Variants in CFAP298 observed in about 807,000 individuals in gnomAD.
The protein encoded by CFAP298 is cilia and flagella associated protein 298.
In CFAP298, 38 loss-of-function variants were observed where a neutral mutation model predicts 41.0. That is an observed-to-expected ratio of 0.93 (90% CI 0.72 to 1.22). CFAP298 has a LOEUF of 1.22. Among genes scored for constraint, CFAP298 ranks in the 50% most tolerant of loss-of-function variants. The probability of loss-of-function intolerance (pLI) is 0.00; values close to 1 mark genes in which losing one functional copy is unlikely to be tolerated. For synonymous variants in CFAP298, 137 were observed against 135.3 expected, an observed-to-expected ratio of 1.01 and a Z score of -0.09; for missense variants, 348 against 360.3, an observed-to-expected ratio of 0.97 and a Z score of 0.28.
At chr21:32,611,338 T>TATATATATATATATATAAAA (rs954890218) in intron 1 of CFAP298, among the ~76,000 whole-genome samples, 2 of 132,352 alleles carry the variant, frequency 1.5e-5, no homozygotes, top group South Asian at 4.9e-4. Context: ...TATATATATA[T>TATATATATATATATATAAAA]AATTTATTTA....
chr21:32,609,842 C>T lies in CFAP298; in HGVS notation c.303G>A (p.Gly101=), dbSNP rs2146569585. 7 of 1,613,124 alleles carry T rather than the reference C, an allele frequency of 4.3e-6. No individual in the cohort carries two copies. In the East Asian group the frequency reaches 6.7e-5, roughly 15 times the overall value. Residue 101 remains glycine (G), a synonymous_variant, in exon 2 of 7, where the codon GGG becomes GGA. Coordinates refer to ENST00000290155, the MANE Select transcript of CFAP298 (RefSeq NM_021254.4). The stretch of plus-strand genomic sequence containing the variant: ...AGAAGAGAAATCCTCACTTACCTTG[C>T]CCATTCCTTCGTCCAATATCATCCT... ...FKKDDIGRRN[G]QAPNEKMKQV... is the part of the protein sequence containing the mutation.
intron 3 of CFAP298, among the ~76,000 whole-genome samples, chr21:32,604,927 C>T (rs896229910): frequency 1.3e-5 from 2 of 152,182 alleles, no homozygotes; most frequent in Admixed American, 1.3e-4. Flanking sequence ...TTATGTAATC[C>T]CAGCACTTTG....
intron 3 of CFAP298, chr21:32,604,619 C>T: frequency 3.5e-6 from 1 of 282,906 alleles, no homozygotes; most frequent in Non-Finnish European, 6.8e-6. Context: ...CCTCGAAATG[C>T]AGATGGGCTG....
chr21:32,602,851 T>C (rs2038774796), intron 5 of CFAP298: 9 of 1,414,914 alleles, frequency 6.4e-6, no homozygotes, highest in Admixed American at 6.1e-5. Flanking sequence ...CTGAAATCAG[T>C]GACGGGCGAA....
chr21:32,607,282 T>A (rs993817357), intron 3 of CFAP298, among the ~76,000 whole-genome samples: 2 of 151,682 alleles, frequency 1.3e-5, no homozygotes, highest in African/African-American at 4.8e-5. Flanking sequence ...GAAGCCAGAG[T>A]TGGAGTTTTA....
Position 32,612,059 on chromosome 21 carries a change from G to A in CFAP298, c.139+46C>T, listed in dbSNP as rs751587509. 11 of 1,484,322 alleles carry A rather than the reference G, an allele frequency of 7.4e-6. No individual in the cohort carries two copies. In the South Asian group the frequency reaches 1.2e-4, roughly 16 times the overall value. The allele number at this position is 1,484,322 out of a possible 1,614,324, so 91.9% of individuals were successfully genotyped here. A position where few individuals can be genotyped will look rare whatever the true frequency, so the allele number is the denominator to read the frequency against. On this transcript the variant is annotated intron_variant, in intron 1 of 6. Coordinates refer to ENST00000290155, the MANE Select transcript of CFAP298 (RefSeq NM_021254.4). ...CCCTGCCCCTCTTTCTCCATCCCAC[G>A]CCGGTCTCTCGATCTGTCCGGGATG...
At chr21:32,605,972 G>C (rs1328343455) in intron 3 of CFAP298, among the ~76,000 whole-genome samples, 1 of 152,186 alleles carries the variant, frequency 6.6e-6, no homozygotes, top group Non-Finnish European at 1.5e-5. Flanking sequence ...GAAAGGAAGA[G>C]GTGGACTTAA....
chr21:32,603,252 C>G lies in CFAP298; in HGVS notation c.575G>C (p.Trp192Ser). The G allele has an allele frequency of 1.2e-6, 2 of 1,614,176 alleles. No homozygotes were observed. The highest frequency in any genetic ancestry group is 1.1e-5 in the South Asian group (1 of 91,086). ...TCTTCTCAGCTCCTTGGCTGCCCACCACAGCTGCGCCTCTGCCTCTTTAAT... is the reference window on the plus strand; with the variant it reads ...TCTTCTCAGCTCCTTGGCTGCCCACGACAGCTGCGCCTCTGCCTCTTTAAT... ...NVIKEAEAQL[W>S]WAAKELRRTK... is the part of the protein sequence containing the mutation. The change falls in exon 5 of 7, where the codon TGG becomes TCG. Residue 192 changes from tryptophan (W) to serine (S), a missense_variant. Coordinates refer to ENST00000290155, the MANE Select transcript of CFAP298 (RefSeq NM_021254.4).
intron 3 of CFAP298, chr21:32,604,488 A>G (rs1292042936): frequency 1.5e-5 from 9 of 585,478 alleles, no homozygotes; most frequent in Non-Finnish European, 2.4e-5. Flanking sequence ...GGTGAGCAGC[A>G]CTGAGCATGG....
rs2070382 is a variant in CFAP298, at chr21:32,604,303, G to A, written c.376-20C>T. The A allele has an allele frequency of 6.9e-3, 11,077 of 1,613,680 alleles. 821 individuals are homozygous for A. In the Admixed American group the frequency reaches 0.14, roughly 20 times the overall value. Reference sequence around the variant, plus strand: ...TTGTTTCTGCAAGCAGAAAGCCATCGTTATCTACAGTGTGGCTAATCACTT... The same window carrying A: ...TTGTTTCTGCAAGCAGAAAGCCATCATTATCTACAGTGTGGCTAATCACTT... On this transcript the variant is annotated intron_variant, in intron 3 of 6. Coordinates refer to ENST00000290155, the MANE Select transcript of CFAP298 (RefSeq NM_021254.4).
In CFAP298 at chr21:32,606,738, G is replaced by T. The variant is rs111541352; in HGVS notation, c.375+911C>A. 2.2e-3 allele frequency among the ~76,000 whole-genome samples: 336 copies of T among 152,326 alleles called. 4 individuals carry two copies. The highest frequency in any genetic ancestry group is 7.7e-3 in the African/African-American group (321 of 41,588). On this transcript the variant is annotated intron_variant, in intron 3 of 6. Transcript: ENST00000290155. ...CAGGAGAAGCAGAAGAAAAAGTGGT[G>T]ATCAGTCAAGAGACTTGCAGTTGAG...
chr21:32,607,611 A>AAC, intron 3 of CFAP298, 38 bp downstream of exon 3: 1 of 1,285,450 alleles, frequency 7.8e-7, no homozygotes, highest in Non-Finnish European at 1.1e-6. Flanking sequence ...AAAAAAAAAA[A>AAC]CCCAACAAGT....
chr21:32,602,764 G>A (rs1199133699), intron 5 of CFAP298: 4 of 1,309,632 alleles, frequency 3.1e-6, no homozygotes, highest in South Asian at 1.7e-5. Context: ...AGGTTACAGC[G>A]CTACACGATG....
At position 32,612,235 on chromosome 21, in the gene CFAP298, C is replaced by A; in HGVS notation, c.9G>T (p.Leu3=). The part of the protein sequence containing the change: MV[L]LHVKRGDESQ... Reference sequence around the variant, plus strand: ...TCTCGTCGCCCCGCTTCACGTGCAGCAGAACCATGGCGGTCCCGCCGAGGT... The same window carrying A: ...TCTCGTCGCCCCGCTTCACGTGCAGAAGAACCATGGCGGTCCCGCCGAGGT... Residue 3 remains leucine (L), a synonymous_variant, in exon 1 of 7, where the codon CTG becomes CTT. Transcript: ENST00000290155. The A allele has an allele frequency of 6.2e-7, 1 of 1,605,596 alleles. No homozygotes were observed. The highest frequency in any genetic ancestry group is 8.5e-7 in the Non-Finnish European group (1 of 1,175,750).
At chr21:32,611,978 AC>A in intron 1 of CFAP298, 126 bp downstream of exon 1, 1 of 1,177,940 alleles carries the variant, frequency 8.5e-7, no homozygotes, top group South Asian at 1.9e-5. Flanking sequence ...TCCCGTTTCA[AC>A]CCCGGCTGCT....
intron 5 of CFAP298, 21 bp downstream of exon 5, chr21:32,603,140 A>G: frequency 6.2e-7 from 1 of 1,614,092 alleles, no homozygotes; most frequent in East Asian, 2.2e-5. Flanking sequence ...CTACTGACAC[A>G]TTAAAGCAAA....
At chr21:32,603,537 C>T (rs2038800905) in intron 4 of CFAP298, among the ~76,000 whole-genome samples, 1 of 152,172 alleles carries the variant, frequency 6.6e-6, no homozygotes, top group Non-Finnish European at 1.5e-5. Context: ...TCATTTGCAC[C>T]TTGATCCATA....
At position 32,604,058 on chromosome 21, in the gene CFAP298, A is replaced by G. The variant is rs1568992345; in HGVS notation, c.534+67T>C. ...AAAACACTACATCCAGAAGAGGGGC[A>G]TCAAATCTTAAGGGCTTTGGGGGCC... On this transcript the variant is annotated intron_variant, in intron 4 of 6. Coordinates refer to ENST00000290155, the MANE Select transcript of CFAP298 (RefSeq NM_021254.4). 14 of 1,492,826 alleles carry G rather than the reference A, an allele frequency of 9.4e-6. No individual in the cohort carries two copies. In the East Asian group the frequency reaches 3.0e-4, roughly 31 times the overall value. 92.5% of individuals were successfully genotyped at this position (1,492,826 alleles called of 1,614,324 possible).
chr21:32,605,386 A>T (rs1019099248), intron 3 of CFAP298, among the ~76,000 whole-genome samples: 15 of 152,164 alleles, frequency 9.9e-5, no homozygotes, highest in African/African-American at 2.9e-4. Flanking sequence ...TTGTGCTAAT[A>T]CAGTAACCTG....
Sources: allele counts gnomAD v4.1 joint callset (sites outside exome capture counted in the v4.1 genomes callset), GRCh38; gene constraint gnomAD v4.1.1; transcripts MANE v1.5; gene names NCBI Gene and HGNC (gene_info 2026-07-23, HGNC 2026-07-21).